Variants in EGFLAM observed in about 807,000 individuals in gnomAD.
The protein encoded by EGFLAM is pikachurin.
A neutral mutation model predicts 113.1 loss-of-function variants in EGFLAM; 79 were observed. That is an observed-to-expected ratio of 0.70 (90% CI 0.58 to 0.84). The LOEUF (loss-of-function observed/expected upper bound fraction) is 0.84, where lower values mean the gene tolerates loss of function less well. EGFLAM is among the 40% of genes least tolerant of loss of function. The pLI is 0.00. For missense variants in EGFLAM, 1,265 were observed against 1,291.6 expected (o/e 0.98, Z 0.32); for synonymous variants, 504 against 487.6 (o/e 1.03, Z -0.44).
intron 1 of EGFLAM, among the ~76,000 whole-genome samples, chr5:38,294,194 A>G (rs1243655271): frequency 6.6e-6 from 1 of 152,098 alleles, no homozygotes; most frequent in African/African-American, 2.4e-5. Context: ...TATTCCACAT[A>G]TGTCTATTCT....
intron 6 of EGFLAM, among the ~76,000 whole-genome samples, chr5:38,388,155 C>G (rs1331079087): frequency 2.0e-5 from 3 of 152,230 alleles, no homozygotes; most frequent in South Asian, 4.1e-4. Flanking sequence ...TTCCACCTGA[C>G]ACACCTTTTT....
At chr5:38,266,178 CT>C (rs1757631423) in intron 1 of EGFLAM, among the ~76,000 whole-genome samples, 1 of 152,198 alleles carries the variant, frequency 6.6e-6, no homozygotes, top group South Asian at 2.1e-4. Flanking sequence ...CAATCCCAAG[CT>C]TATTCTTTCA....
rs1172251359 is a variant in EGFLAM at position 38,270,917 on chromosome 5, A to G, written c.97+12066A>G. 3.9e-5 allele frequency among the ~76,000 whole-genome samples: 6 copies of G among 152,334 alleles called. No homozygotes were observed. The South Asian group carries it at 1.0e-3, about 26-fold the overall frequency. Reference sequence around the variant, plus strand: ...ACTTTTCTATATTTATTGTAACCCCAAATATTGACAACATTGACATAAATG... The same window carrying G: ...ACTTTTCTATATTTATTGTAACCCCGAATATTGACAACATTGACATAAATG... On this transcript the variant is annotated intron_variant, in intron 1 of 21. Coordinates refer to ENST00000322350, the MANE Select transcript of EGFLAM (RefSeq NM_152403.4).
intron 6 of EGFLAM, among the ~76,000 whole-genome samples, chr5:38,388,598 A>G (rs1740725985): frequency 1.3e-5 from 2 of 151,586 alleles, no homozygotes; most frequent in African/African-American, 4.9e-5. Context: ...ATATATATAT[A>G]TGTATATATA....
intron 16 of EGFLAM, among the ~76,000 whole-genome samples, chr5:38,436,526 T>G (rs1742356634): frequency 6.6e-6 from 1 of 152,202 alleles, no homozygotes; most frequent in Non-Finnish European, 1.5e-5. Context: ...GATACCTCAG[T>G]TCAGACCATT....
chr5:38,334,449 GA>G (rs1232522679), intron 1 of EGFLAM, among the ~76,000 whole-genome samples: 2 of 152,044 alleles, frequency 1.3e-5, no homozygotes, highest in Non-Finnish European at 2.9e-5. Flanking sequence ...AGGGGAGGGG[GA>G]GCTCTCTAGG....
At chr5:38,426,940 C>T in intron 13 of EGFLAM, 69 bp from the exon 14 acceptor site, 1 of 1,579,356 alleles carries the variant, frequency 6.3e-7, no homozygotes, top group South Asian at 1.2e-5. Context: ...GGAAAGAACA[C>T]AGCTATGGGT....
intron 12 of EGFLAM, 151 bp downstream of exon 12, chr5:38,418,406 AGGGG>A: frequency 3.0e-6 from 3 of 984,592 alleles, no homozygotes; most frequent in Non-Finnish European, 4.4e-6. Context: ...GGTGGGCCTC[AGGGG>A]TGAGGCTGGT....
intron 5 of EGFLAM, among the ~76,000 whole-genome samples, chr5:38,370,077 A>G (rs1171734967): frequency 1.3e-5 from 2 of 152,240 alleles, no homozygotes; most frequent in Non-Finnish European, 2.9e-5. Context: ...TAGTGTTTAC[A>G]ACTGACCCTA....
At chr5:38,457,276 T>C (rs530686030) in intron 19 of EGFLAM, among the ~76,000 whole-genome samples, 1 of 152,334 alleles carries the variant, frequency 6.6e-6, no homozygotes, top group African/African-American at 2.4e-5. Context: ...AGGGCTCTGA[T>C]AATACATGAC....
chr5:38,388,931 A>C (rs988351394), intron 6 of EGFLAM, among the ~76,000 whole-genome samples: 8 of 130,982 alleles, frequency 6.1e-5, no homozygotes, highest in African/African-American at 2.4e-4. Flanking sequence ...AAAAAAAAAA[A>C]ACAAAAAAAA....
At chr5:38,306,345 C>T (rs1223238453) in intron 1 of EGFLAM, among the ~76,000 whole-genome samples, 1 of 152,114 alleles carries the variant, frequency 6.6e-6, no homozygotes, top group African/African-American at 2.4e-5. Context: ...TCTTCTAAGA[C>T]AATGGGCCCC....
intron 17 of EGFLAM, among the ~76,000 whole-genome samples, chr5:38,442,857 T>C (rs897701064): frequency 4.6e-5 from 7 of 152,214 alleles, no homozygotes; most frequent in African/African-American, 1.7e-4. Context: ...AGTCACATGG[T>C]CATATAAGAT....
At chr5:38,457,738 A>G (rs940570426) in intron 19 of EGFLAM, among the ~76,000 whole-genome samples, 1 of 152,188 alleles carries the variant, frequency 6.6e-6, no homozygotes, top group East Asian at 1.9e-4. Context: ...TACACATGAT[A>G]AAGCCCTTCT....
intron 1 of EGFLAM, among the ~76,000 whole-genome samples, chr5:38,281,905 T>C (rs1303701155): frequency 2.0e-5 from 3 of 152,184 alleles, no homozygotes; most frequent in Non-Finnish European, 2.9e-5. Context: ...GGAAAAATAA[T>C]TCTAAGAATC....
chr5:38,260,319 C>G (rs1463258934), intron 1 of EGFLAM, among the ~76,000 whole-genome samples: 1 of 152,148 alleles, frequency 6.6e-6, no homozygotes, highest in East Asian at 1.9e-4. Flanking sequence ...ATAGTTATAT[C>G]TATAGTTTTA....
At chr5:38,387,168 A>C (rs1740684482) in intron 6 of EGFLAM, among the ~76,000 whole-genome samples, 2 of 152,180 alleles carry the variant, frequency 1.3e-5, no homozygotes, top group Non-Finnish European at 2.9e-5. Flanking sequence ...CCAGACACCA[A>C]AAGGCATAGG....
In EGFLAM at chr5:38,318,058, T is replaced by C. The variant is rs947813283; in HGVS notation, c.98-19462T>C. On this transcript the variant is annotated intron_variant, in intron 1 of 21. Coordinates refer to ENST00000322350, the MANE Select transcript of EGFLAM (RefSeq NM_152403.4). ...CGGGCACTTGGGGAAGATACCAGGTTTCTGTTATTGATTTTCAGGACTTGG... is the reference window on the plus strand; with the variant it reads ...CGGGCACTTGGGGAAGATACCAGGTCTCTGTTATTGATTTTCAGGACTTGG... Among the ~76,000 whole-genome samples, 10 of 152,072 alleles carry C rather than the reference T, an allele frequency of 6.6e-5. No individual in the cohort carries two copies. In the East Asian group the frequency reaches 1.2e-3, roughly 18 times the overall value.
At chr5:38,462,317 T>A (rs930989449) in intron 20 of EGFLAM, among the ~76,000 whole-genome samples, 4 of 152,168 alleles carry the variant, frequency 2.6e-5, no homozygotes, top group Non-Finnish European at 5.9e-5. Flanking sequence ...CAAGCTCTCC[T>A]CCCCTGGGCT....
Sources: gnomAD v4.1 joint callset for allele counts (sites outside exome capture counted in the v4.1 genomes callset) on GRCh38, gnomAD v4.1.1 for gene constraint, MANE v1.5 for transcripts, NCBI Gene and HGNC (gene_info 2026-07-23, HGNC 2026-07-21) for gene names.